UMAD1: variants seen among roughly 807,000 people sequenced by gnomAD.
UMAD1 encodes UBAP1-MVB12-associated (UMA)-domain containing protein 1.
A neutral mutation model predicts 6.1 loss-of-function variants in UMAD1; 8 were observed. The observed-to-expected ratio is 1.30, with a 90% CI of 0.76 to 2.35. The LOEUF (loss-of-function observed/expected upper bound fraction) is 2.35, where lower values mean the gene tolerates loss of function less well. Ranked by LOEUF, UMAD1 falls within the 30% of genes most tolerant of loss-of-function variation. The probability of loss-of-function intolerance (pLI) is 0.00; values close to 1 mark genes in which losing one functional copy is unlikely to be tolerated. For missense variants in UMAD1, 130 were observed against 78.4 expected (o/e 1.66, Z -2.49); for synonymous variants, 56 against 31.4 (o/e 1.78, Z -2.61).
At chr7:7,645,512 G>A (rs1259855971) in intron 1 of UMAD1, among the ~76,000 whole-genome samples, 1 of 152,154 alleles carries the variant, frequency 6.6e-6, no homozygotes, top group African/African-American at 2.4e-5. Flanking sequence ...GTAAATCCAC[G>A]TTCTATGTGG....
intron 1 of UMAD1, chr7:7,641,650 C>A (rs1456185562): frequency 1.3e-5 from 2 of 152,148 alleles, no homozygotes; most frequent in African/African-American, 4.8e-5. Context: ...GACCCGAAGC[C>A]GGCGGCCTTG....
At chr7:7,777,175 C>T (rs559853091) in intron 2 of UMAD1, among the ~76,000 whole-genome samples, 1 of 152,154 alleles carries the variant, frequency 6.6e-6, no homozygotes, top group Non-Finnish European at 1.5e-5. Flanking sequence ...GATCTCCTGT[C>T]TAGCCATTTA....
chr7:7,698,975 C>A (rs1422860123), intron 2 of UMAD1, among the ~76,000 whole-genome samples: 1 of 151,514 alleles, frequency 6.6e-6, no homozygotes, highest in East Asian at 1.9e-4. Context: ...CCACTTCAGC[C>A]CCCCAAGTAT....
intron 1 of UMAD1, among the ~76,000 whole-genome samples, chr7:7,659,573 A>G (rs928580580): frequency 2.0e-5 from 3 of 152,186 alleles, no homozygotes; most frequent in Non-Finnish European, 4.4e-5. Context: ...CCCAGTAGTC[A>G]TACAGGAGCA....
At chr7:7,681,115 A>T (rs1779900653) in intron 2 of UMAD1, among the ~76,000 whole-genome samples, 1 of 152,226 alleles carries the variant, frequency 6.6e-6, no homozygotes, top group South Asian at 2.1e-4. Context: ...TTGTAGCAAC[A>T]ACTTTTTATC....
At chr7:7,745,783 C>A (rs1781560923) in intron 2 of UMAD1, among the ~76,000 whole-genome samples, 2 of 152,128 alleles carry the variant, frequency 1.3e-5, no homozygotes, top group African/African-American at 4.8e-5. Flanking sequence ...GGCCTGTTTC[C>A]CCACATTTTC....
intron 2 of UMAD1, chr7:7,736,816 G>A (rs1781369023): frequency 6.6e-6 from 1 of 152,220 alleles, no homozygotes; most frequent in African/African-American, 2.4e-5. Flanking sequence ...CCACAATTCA[G>A]AAGACAGATG....
intron 3 of UMAD1, among the ~76,000 whole-genome samples, chr7:7,819,146 G>T (rs56010135): frequency 6.6e-6 from 1 of 151,982 alleles, no homozygotes; most frequent in Non-Finnish European, 1.5e-5. Context: ...CACCTTGCCC[G>T]GCCCTCTCCT....
intron 2 of UMAD1, among the ~76,000 whole-genome samples, chr7:7,764,086 G>C (rs2115234958): frequency 6.6e-6 from 1 of 152,262 alleles, no homozygotes; most frequent in South Asian, 2.1e-4. Flanking sequence ...TTTAATGAGA[G>C]ACAATGCTTA....
intron 3 of UMAD1, among the ~76,000 whole-genome samples, chr7:7,856,032 A>C (rs912296947): frequency 6.6e-6 from 1 of 152,180 alleles, no homozygotes; most frequent in Non-Finnish European, 1.5e-5. Flanking sequence ...TTCATTGTCC[A>C]TATCACCATC....
chr7:7,811,151 A>G (rs954186753), intron 3 of UMAD1, among the ~76,000 whole-genome samples: 4 of 152,148 alleles, frequency 2.6e-5, no homozygotes, highest in African/African-American at 7.2e-5. Context: ...CTTTTTATCT[A>G]TGATGCTGAG....
At chr7:7,673,227 G>A (rs1427182138) in intron 1 of UMAD1, 82 bp from the exon 2 acceptor site, 17 of 861,324 alleles carry the variant, frequency 2.0e-5, no homozygotes, top group East Asian at 5.3e-5. Flanking sequence ...TTGTTATATC[G>A]TTATGCTGAA....
At chr7:7,877,081 T>G (rs73347342) in intron 3 of UMAD1, among the ~76,000 whole-genome samples, 200 bp from the exon 4 acceptor site, 8,450 of 152,224 alleles carry the variant, frequency 0.056, 794 homozygotes, top group African/African-American at 0.19. Context: ...CAGTCTGAGT[T>G]AAAGTTTAGG....
At chr7:7,660,950 G>C (rs1366207250) in intron 1 of UMAD1, among the ~76,000 whole-genome samples, 1 of 152,136 alleles carries the variant, frequency 6.6e-6, no homozygotes, top group African/African-American at 2.4e-5. Context: ...ATCAAATGTA[G>C]ATTTGGTCTT....
intron 2 of UMAD1, among the ~76,000 whole-genome samples, chr7:7,768,805 A>T (rs931462396): frequency 3.9e-5 from 6 of 152,226 alleles, no homozygotes; most frequent in African/African-American, 1.4e-4. Flanking sequence ...TATTATATGT[A>T]ATAATTTTGT....
intron 2 of UMAD1, among the ~76,000 whole-genome samples, chr7:7,684,563 C>T (rs7804775): frequency 0.63 from 95,658 of 151,900 alleles, 30,436 homozygotes; most frequent in East Asian, 0.87. Context: ...GTTGAATCCA[C>T]CCATGAGGAA....
intron 3 of UMAD1, among the ~76,000 whole-genome samples, chr7:7,835,462 CTTTTTTTTTTTTTTTTTTTTTTT>C (rs150411259): frequency 1.2e-4 from 4 of 33,654 alleles, no homozygotes; most frequent in Admixed American, 4.5e-4. Flanking sequence ...TGAAACAGCA[CTTTTTTTTTTTTTTTTTTTTTTT>C]TTTTTTTTTT....
chr7:7,672,264 C>G lies in UMAD1; in HGVS notation c.-63-1045C>G, dbSNP rs956119220. Among the ~76,000 whole-genome samples the G allele has an allele frequency of 2.6e-5, 4 of 152,242 alleles. No homozygotes were observed. In the South Asian group the frequency reaches 8.3e-4, roughly 32 times the overall value. On this transcript the variant is annotated intron_variant, in intron 1 of 3. Transcript: ENST00000682710. Reference sequence around the variant, plus strand: ...GAATCCTATGTGTCCTTGCAAGTACCCTTCAACTTTCTCCCCAGTTGTTTT... The same window carrying G: ...GAATCCTATGTGTCCTTGCAAGTACGCTTCAACTTTCTCCCCAGTTGTTTT...
intron 1 of UMAD1, among the ~76,000 whole-genome samples, chr7:7,660,938 C>A (rs1164863618): frequency 4.6e-5 from 7 of 152,170 alleles, no homozygotes; most frequent in Admixed American, 4.6e-4. Context: ...TCGGGTACGC[C>A]AATCAAATGT....
Sources: gnomAD v4.1 joint callset for allele counts (sites outside exome capture counted in the v4.1 genomes callset) on GRCh38, gnomAD v4.1.1 for gene constraint, MANE v1.5 for transcripts, NCBI Gene and HGNC (gene_info 2026-07-23, HGNC 2026-07-21) for gene names.